The following PCDHA6 variants were observed in gnomAD, a reference collection of about 807,000 sequenced individuals.
PCDHA6 encodes protocadherin alpha-6.
Under a neutral mutation model 60.3 loss-of-function variants are expected in PCDHA6, and 55 were observed. The observed-to-expected ratio is 0.91, with a 90% confidence interval of 0.73 to 1.14. PCDHA6 has a LOEUF of 1.14. PCDHA6 is among the 50% of genes most tolerant of loss of function. The pLI is 0.00. For missense variants in PCDHA6, 1,327 were observed against 1,256.5 expected (o/e 1.06, Z -0.85); for synonymous variants, 652 against 557.9 (o/e 1.17, Z -2.38).
At chr5:140,940,017 T>C (rs1418030283) in intron 1 of PCDHA6, among the ~76,000 whole-genome samples, 1 of 152,234 alleles carries the variant, frequency 6.6e-6, no homozygotes, top group Non-Finnish European at 1.5e-5. Flanking sequence ...TTTTGTGTCA[T>C]ATGTTTTAAG....
intron 1 of PCDHA6, among the ~76,000 whole-genome samples, chr5:140,956,665 G>GCTTT (rs1273636843): frequency 1.3e-5 from 2 of 152,004 alleles, no homozygotes; most frequent in Non-Finnish European, 2.9e-5. Flanking sequence ...TGGCCTTAAA[G>GCTTT]GAGTTAGGGA....
chr5:140,869,485 G>T (rs782005031), intron 1 of PCDHA6: 8 of 1,614,158 alleles, frequency 5.0e-6, no homozygotes, highest in Non-Finnish European at 6.8e-6. Flanking sequence ...GGACATTAAC[G>T]ACAACCCGCC....
chr5:140,874,803 A>G (rs536331240), intron 1 of PCDHA6, among the ~76,000 whole-genome samples: 1 of 152,378 alleles, frequency 6.6e-6, no homozygotes, highest in East Asian at 1.9e-4. Flanking sequence ...AGATTTATGA[A>G]TAAGACAATT....
At chr5:140,866,241 A>C (rs1554160141) in intron 1 of PCDHA6, 1 of 152,134 alleles carries the variant, frequency 6.6e-6, no homozygotes, top group African/African-American at 2.4e-5. Context: ...ATATACCAAA[A>C]ATGACACCCT....
chr5:141,005,451 C>G (rs1263058026), intron 3 of PCDHA6, among the ~76,000 whole-genome samples: 1 of 151,986 alleles, frequency 6.6e-6, no homozygotes, highest in Non-Finnish European at 1.5e-5. Flanking sequence ...CGCCTGTAAT[C>G]CCAGCACTTT....
intron 1 of PCDHA6, among the ~76,000 whole-genome samples, chr5:140,839,236 T>C (rs1562375380): frequency 6.6e-6 from 1 of 152,030 alleles, no homozygotes. Flanking sequence ...CTGTTTTTAT[T>C]GCTTTGCTTT....
In PCDHA6 at chr5:140,910,096, C is replaced by G. The variant is rs1583731198; in HGVS notation, c.2395-68853C>G. On this transcript the variant is annotated intron_variant, in intron 1 of 3. Coordinates refer to ENST00000529310, the MANE Select transcript of PCDHA6 (RefSeq NM_018909.4). ...ATTGTTGTCAAGGGGAACCAGCCTCCCCTTCATTTAAGGGATTCTAGGTCT... is the reference window on the plus strand; with the variant it reads ...ATTGTTGTCAAGGGGAACCAGCCTCGCCTTCATTTAAGGGATTCTAGGTCT... Among the ~76,000 whole-genome samples the G allele has an allele frequency of 2.6e-5, 4 of 152,262 alleles. No individual in the cohort carries two copies. The East Asian group carries it at 7.7e-4, about 29-fold the overall frequency.
At chr5:140,883,593 C>T (rs2059688395) in intron 1 of PCDHA6, 1 of 1,613,954 alleles carries the variant, frequency 6.2e-7, no homozygotes, top group Non-Finnish European at 8.5e-7. Context: ...GCCAGCGTGT[C>T]GGTGGGGGTG....
intron 1 of PCDHA6, chr5:140,843,668 G>C: frequency 6.3e-7 from 1 of 1,593,338 alleles, no homozygotes; most frequent in South Asian, 1.1e-5. Flanking sequence ...TCTGGGATCA[G>C]TTGATGTAGG....
intron 1 of PCDHA6, among the ~76,000 whole-genome samples, chr5:140,917,068 G>A (rs2077864221): frequency 6.6e-6 from 1 of 152,066 alleles, no homozygotes; most frequent in African/African-American, 2.4e-5. Flanking sequence ...CGACAGCACC[G>A]AGTTTAATGT....
chr5:140,850,106 G>A lies in PCDHA6; in HGVS notation c.2394+19621G>A, dbSNP rs2150467412. 3.5e-5 allele frequency: 56 copies of A among 1,596,106 alleles called. 1 individual carries two copies. Among genetic ancestry groups the A allele is most frequent in the African/African-American group, 4.0e-5 (3 of 74,354 alleles). ...AGCTGCTACAGTTCCAGGTGAGCGC[G>A]CGCGACGCGGGCGTGCCGCCTCTGG... is the stretch of plus-strand genomic sequence containing the variant. On this transcript the variant is annotated intron_variant, in intron 1 of 3. Transcript: ENST00000529310.
intron 1 of PCDHA6, among the ~76,000 whole-genome samples, chr5:140,934,619 C>G (rs1403192448): frequency 1.3e-5 from 2 of 152,028 alleles, no homozygotes; most frequent in Non-Finnish European, 2.9e-5. Flanking sequence ...GCCTGAGGTA[C>G]AGTTCACACA....
chr5:140,980,762 T>C (rs1293384140), intron 2 of PCDHA6, among the ~76,000 whole-genome samples: 2 of 152,090 alleles, frequency 1.3e-5, no homozygotes, highest in Non-Finnish European at 2.9e-5. Context: ...AGAAATAAAA[T>C]AAAAATTGAA....
intron 1 of PCDHA6, chr5:140,836,234 T>A: frequency 6.2e-7 from 1 of 1,613,668 alleles, no homozygotes; most frequent in Non-Finnish European, 8.5e-7. Context: ...TGGCGGCCGG[T>A]GCGAGCATCC....
chr5:140,843,387 C>A (rs2150358876), intron 1 of PCDHA6: 2 of 1,595,950 alleles, frequency 1.3e-6, no homozygotes, highest in East Asian at 4.5e-5. Context: ...GTTTTGGGTC[C>A]GGAAGCGGCG....
intron 3 of PCDHA6, among the ~76,000 whole-genome samples, chr5:141,000,194 G>A (rs2097896080): frequency 6.6e-6 from 1 of 151,746 alleles, no homozygotes; most frequent in South Asian, 2.1e-4. Context: ...TGTGAGAATA[G>A]TTTTTCACCT....
chr5:140,955,951 T>C (rs529805581), intron 1 of PCDHA6, among the ~76,000 whole-genome samples: 12 of 152,248 alleles, frequency 7.9e-5, no homozygotes, highest in South Asian at 2.1e-4. Context: ...GTCTACTTGC[T>C]TGTTGTTTGT....
At chr5:140,957,689 A>G (rs2095375568) in intron 1 of PCDHA6, among the ~76,000 whole-genome samples, 1 of 152,234 alleles carries the variant, frequency 6.6e-6, no homozygotes. Flanking sequence ...TATCTAGACA[A>G]TGAACATTAT....
chr5:140,927,040 A>T (rs1554203950), intron 1 of PCDHA6: 1 of 1,612,350 alleles, frequency 6.2e-7, no homozygotes, highest in Non-Finnish European at 8.5e-7. Flanking sequence ...AGCGGCCGCT[A>T]TGTCCTCGCG....
Sources: allele counts gnomAD v4.1 joint callset (sites outside exome capture counted in the v4.1 genomes callset), GRCh38; gene constraint gnomAD v4.1.1; transcripts MANE v1.5; gene names NCBI Gene and HGNC (gene_info 2026-07-23, HGNC 2026-07-21).